KALRN: variants seen among roughly 807,000 people sequenced by gnomAD.
KALRN encodes kalirin RhoGEF kinase.
KALRN carries 70 observed loss-of-function variants against 353.7 expected under a neutral mutation model. That is an observed-to-expected ratio of 0.20 (90% CI 0.16 to 0.24). The LOEUF (loss-of-function observed/expected upper bound fraction) is 0.24, where lower values mean the gene tolerates loss of function less well. KALRN is among the 10% of genes least tolerant of loss of function. The probability of loss-of-function intolerance (pLI) is 1.00; values close to 1 mark genes in which losing one functional copy is unlikely to be tolerated. For missense variants in KALRN, 2,791 were observed against 3,756.7 expected (o/e 0.74, Z 6.72); for synonymous variants, 1,391 against 1,434.8 (o/e 0.97, Z 0.69).
Position 124,520,538 on chromosome 3 carries a change from T to C in KALRN, c.4935+24125T>C, listed in dbSNP as rs549614374. ...CCTGATAATGTGAGATGGAACAGTT[T>C]CATCCCAAAACCATCCCCTACCCAC... On this transcript the variant is annotated intron_variant, in intron 33 of 59. Coordinates refer to ENST00000682506, the MANE Select transcript of KALRN (RefSeq NM_001388419.1). Among the ~76,000 whole-genome samples, 4 of 152,220 alleles carry C rather than the reference T, an allele frequency of 2.6e-5. No individual in the cohort carries two copies. In the South Asian group the frequency reaches 8.3e-4, roughly 32 times the overall value.
chr3:124,601,660 T>C (rs2076817941), intron 34 of KALRN, among the ~76,000 whole-genome samples: 1 of 152,264 alleles, frequency 6.6e-6, no homozygotes, highest in Non-Finnish European at 1.5e-5. Context: ...TCAAAGTTGA[T>C]GATCTTGGAT....
chr3:124,668,374 C>T (rs761481955), intron 47 of KALRN, among the ~76,000 whole-genome samples: 11 of 152,180 alleles, frequency 7.2e-5, no homozygotes, highest in Non-Finnish European at 1.0e-4. Context: ...TTTCTCTGGG[C>T]CTTGTGGCTG....
intron 1 of KALRN, among the ~76,000 whole-genome samples, chr3:124,220,402 ATGTGTGTGTGTGTG>A (rs767328491): frequency 6.7e-6 from 1 of 149,110 alleles, no homozygotes; most frequent in Non-Finnish European, 1.5e-5. Context: ...GTGTGTGTGT[ATGTGTGTGTGTGTG>A]TATCTTTCTC....
intron 1 of KALRN, among the ~76,000 whole-genome samples, chr3:124,121,776 A>G (rs2064052035): frequency 6.6e-6 from 1 of 152,236 alleles, no homozygotes; most frequent in Non-Finnish European, 1.5e-5. Context: ...GCTTTACTGT[A>G]AAACAAAGGA....
chr3:124,268,691 T>G, intron 4 of KALRN, 52 bp from the exon 5 acceptor site: 1 of 1,582,022 alleles, frequency 6.3e-7, no homozygotes. Flanking sequence ...ATTTCTGCCC[T>G]GTTCTTCCCC....
In KALRN at chr3:124,492,790, G is replaced by T; in HGVS notation, c.4740G>T (p.Val1580=). The stretch of plus-strand genomic sequence containing the variant: ...AGTGGATCAAGAACATTCGAGAAGT[G>T]ATTCAAGAAAGGATCATTCACCTGA... The part of the protein sequence containing the change: ...KQEWIKNIRE[V]IQERIIHLKG... The change falls in exon 32 of 60, where the codon GTG becomes GTT. Residue 1580 remains valine, a synonymous_variant. Coordinates refer to ENST00000682506, the MANE Select transcript of KALRN (RefSeq NM_001388419.1). 1 of 1,614,056 alleles carries T rather than the reference G, an allele frequency of 6.2e-7. No homozygotes were observed. The highest frequency in any genetic ancestry group is 8.5e-7 in the Non-Finnish European group (1 of 1,180,002).
intron 52 of KALRN, among the ~76,000 whole-genome samples, 153 bp from the exon 53 acceptor site, chr3:124,694,179 A>G (rs765582886): frequency 6.6e-6 from 1 of 152,188 alleles, no homozygotes; most frequent in Non-Finnish European, 1.5e-5. Flanking sequence ...ACACTTTTTA[A>G]AGAGACCCAG....
intron 1 of KALRN, among the ~76,000 whole-genome samples, chr3:124,154,260 G>A (rs2068635867): frequency 6.6e-6 from 1 of 152,154 alleles, no homozygotes; most frequent in African/African-American, 2.4e-5. Flanking sequence ...GTTCTGGCCA[G>A]GGCAATTAGG....
chr3:124,373,333 G>T (rs2086131135), intron 10 of KALRN, among the ~76,000 whole-genome samples: 2 of 152,130 alleles, frequency 1.3e-5, no homozygotes, highest in African/African-American at 4.8e-5. Flanking sequence ...GGACATTTTT[G>T]ATTATTACAT....
At chr3:124,369,044 G>A (rs2085450223) in intron 10 of KALRN, among the ~76,000 whole-genome samples, 1 of 148,254 alleles carries the variant, frequency 6.7e-6, no homozygotes, top group Non-Finnish European at 1.5e-5. Flanking sequence ...ACCGTGGAAA[G>A]AGAGGGAGAC....
intron 51 of KALRN, among the ~76,000 whole-genome samples, chr3:124,686,051 A>C (rs1252330263): frequency 1.3e-5 from 2 of 152,208 alleles, no homozygotes; most frequent in Non-Finnish European, 2.9e-5. Context: ...ACTAACGAAC[A>C]ATGTAAGATT....
Position 124,674,384 on chromosome 3 carries a change from T to C in KALRN, c.6963T>C (p.Asn2321=), listed in dbSNP as rs1291099153. 26 of 1,613,420 alleles carry C rather than the reference T, an allele frequency of 1.6e-5. No individual in the cohort carries two copies. Among genetic ancestry groups the C allele is most frequent in the Non-Finnish European group, 2.0e-5 (24 of 1,179,724 alleles). Residue 2321 remains asparagine (N), a synonymous_variant, in exon 49 of 60, where the codon AAT becomes AAC. Coordinates refer to ENST00000682506, the MANE Select transcript of KALRN (RefSeq NM_001388419.1). ...AGCAGAACGACCTGGGAGGCTGCAA[T>C]GGGACCTCGTCCATGGCCGTGATCA... is the stretch of plus-strand genomic sequence containing the variant. ...EASKNDLGGC[N]GTSSMAVIKD... is the part of the protein sequence containing the mutation.
At chr3:124,234,679 C>T (rs13079305) in intron 2 of KALRN, 150 bp from the exon 3 acceptor site, 43,796 of 618,712 alleles carry the variant, frequency 0.071, 1,817 homozygotes, top group Non-Finnish European at 0.09. Context: ...TGCATCTAGA[C>T]CCCCCCACCT....
intron 1 of KALRN, among the ~76,000 whole-genome samples, chr3:124,066,575 G>T (rs891421578): frequency 2.6e-5 from 4 of 152,176 alleles, no homozygotes; most frequent in African/African-American, 9.7e-5. Context: ...ACCTCAAAAG[G>T]AGGTGTGACC....
intron 1 of KALRN, among the ~76,000 whole-genome samples, chr3:124,178,197 G>C (rs186934978): frequency 6.6e-6 from 1 of 152,124 alleles, no homozygotes; most frequent in Non-Finnish European, 1.5e-5. Flanking sequence ...CCTTTTCTGC[G>C]GGTGATACTT....
intron 10 of KALRN, among the ~76,000 whole-genome samples, chr3:124,365,157 A>G (rs2084512014): frequency 6.6e-6 from 1 of 152,192 alleles, no homozygotes; most frequent in South Asian, 2.1e-4. Flanking sequence ...TAGGCACCTC[A>G]AGGAGAAACT....
intron 3 of KALRN, among the ~76,000 whole-genome samples, chr3:124,259,069 C>T (rs2072470838): frequency 6.6e-6 from 1 of 152,138 alleles, no homozygotes; most frequent in South Asian, 2.1e-4. Context: ...TTGTAAGAGA[C>T]TGAAAGAAGC....
intron 3 of KALRN, among the ~76,000 whole-genome samples, chr3:124,241,671 T>G (rs998737050): frequency 1.3e-5 from 2 of 152,212 alleles, no homozygotes; most frequent in Non-Finnish European, 2.9e-5. Context: ...TTGCGTCTCC[T>G]TCTATGGTCT....
At chr3:124,455,806 G>A (rs776243710) in intron 22 of KALRN, among the ~76,000 whole-genome samples, 3 of 152,170 alleles carry the variant, frequency 2.0e-5, no homozygotes, top group East Asian at 1.9e-4. Flanking sequence ...CATTTCAACC[G>A]AACAGAGGTA....
Sources: allele counts gnomAD v4.1 joint callset (sites outside exome capture counted in the v4.1 genomes callset), GRCh38; gene constraint gnomAD v4.1.1; transcripts MANE v1.5; gene names NCBI Gene and HGNC (gene_info 2026-07-23, HGNC 2026-07-21).